EIF3D: variants seen among roughly 807,000 people sequenced by gnomAD.
EIF3D encodes the protein eukaryotic translation initiation factor 3 subunit D.
EIF3D carries 10 observed loss-of-function variants against 75.4 expected under a neutral mutation model. The observed-to-expected ratio is 0.13, with a 90% CI of 0.08 to 0.22. The LOEUF is 0.22. Ranked by LOEUF, EIF3D falls within the 10% of genes least tolerant of loss-of-function variation. EIF3D has a pLI of 1.00. For missense variants in EIF3D, 394 were observed against 708.0 expected, an observed-to-expected ratio of 0.56 and a Z score of 5.03; for synonymous variants, 246 against 248.3, an observed-to-expected ratio of 0.99 and a Z score of 0.09.
Position 36,510,954 on chromosome 22 carries a change from T to A in EIF3D, c.*33A>T. ...GCATCAAAGGCCCTCGTAGTCTCGGTGGAAGGACAAACTCCAGCTCCACAT... is the reference window on the plus strand; with the variant it reads ...GCATCAAAGGCCCTCGTAGTCTCGGAGGAAGGACAAACTCCAGCTCCACAT... On this transcript the variant is annotated 3_prime_UTR_variant, in exon 15 of 15. Coordinates refer to ENST00000216190, the MANE Select transcript of EIF3D (RefSeq NM_003753.4). The A allele has an allele frequency of 3.1e-6, 5 of 1,597,208 alleles. No individual in the cohort carries two copies. The South Asian group carries it at 4.5e-5, about 14-fold the overall frequency.
chr22:36,519,300 A>G lies in EIF3D; in HGVS notation c.711+105T>C, dbSNP rs7287727. 7.9e-3 allele frequency: 11,887 copies of G among 1,508,860 alleles called. 783 individuals carry two copies. In the African/African-American group the frequency reaches 0.14, roughly 18 times the overall value. The allele number at this position is 1,508,860 out of a possible 1,614,324, so 93.5% of individuals were successfully genotyped here. A position where few individuals can be genotyped will look rare whatever the true frequency, so the allele number is the denominator to read the frequency against. ...TCTACCTGGCAAAGTGCTTTTACCT[A>G]TAATACATACGTTATTCCCATGTCT... is the stretch of plus-strand genomic sequence containing the variant. On this transcript the variant is annotated intron_variant, in intron 8 of 14. Transcript: ENST00000216190.
At chr22:36,528,330 G>A (rs952977324) in intron 1 of EIF3D, among the ~76,000 whole-genome samples, 4 of 152,092 alleles carry the variant, frequency 2.6e-5, no homozygotes, top group Non-Finnish European at 2.9e-5. Flanking sequence ...ATCGGGTTCT[G>A]TCAGAAGCTC....
intron 1 of EIF3D, among the ~76,000 whole-genome samples, chr22:36,527,901 G>A (rs1934631123): frequency 1.3e-5 from 2 of 152,350 alleles, no homozygotes; most frequent in African/African-American, 4.8e-5. Flanking sequence ...GCCCCATGCT[G>A]GGGAGATTGA....
intron 12 of EIF3D, among the ~76,000 whole-genome samples, chr22:36,513,374 C>T (rs917863498): frequency 6.6e-6 from 1 of 151,874 alleles, no homozygotes; most frequent in Admixed American, 6.6e-5. Flanking sequence ...ACGATCTTGG[C>T]TCACTGCAAC....
intron 9 of EIF3D, among the ~76,000 whole-genome samples, chr22:36,518,376 C>G (rs1401554880): frequency 6.6e-6 from 1 of 151,942 alleles, no homozygotes; most frequent in Non-Finnish European, 1.5e-5. Context: ...GTAATCCCAG[C>G]TATTCGGGAG....
rs1934478125 is a variant in EIF3D, at chr22:36,519,481, C to T, written c.635G>A (p.Arg212Lys). The stretch of plus-strand genomic sequence containing the variant: ...GATGCTCCGCAGTGGCTTCTCACTC[C>T]TCGTGGTGATGCGGTCAAAGGCTTT... Reference protein sequence around the residue: ...YDKAFDRITTRSEKPLRSIKR... With the variant: ...YDKAFDRITTKSEKPLRSIKR... Residue 212 changes from arginine (R) to lysine (K), a missense_variant, in exon 8 of 15, where the codon AGG (arginine) becomes AAG (lysine). Physicochemically the swap from Arg to Lys is conservative, Grantham distance 26. Coordinates refer to ENST00000216190, the MANE Select transcript of EIF3D (RefSeq NM_003753.4). 1 of 1,614,058 alleles carries T rather than the reference C, an allele frequency of 6.2e-7. No homozygotes were observed. Among genetic ancestry groups the T allele is most frequent in the Non-Finnish European group, 8.5e-7 (1 of 1,180,036 alleles).
At chr22:36,517,906 C>A (rs1394658992) in intron 9 of EIF3D, among the ~76,000 whole-genome samples, 2 of 152,044 alleles carry the variant, frequency 1.3e-5, no homozygotes, top group East Asian at 1.9e-4. Flanking sequence ...CACCACCACA[C>A]CTGGCTAATT....
intron 7 of EIF3D, 28 bp downstream of exon 7, chr22:36,520,548 G>T: frequency 6.6e-7 from 1 of 1,508,062 alleles, no homozygotes; most frequent in Non-Finnish European, 9.2e-7. Flanking sequence ...TAAGAGCAGT[G>T]TAGAAAGTAG....
chr22:36,516,924 G>A (rs1010159495), intron 10 of EIF3D, 134 bp from the exon 11 acceptor site: 5 of 789,744 alleles, frequency 6.3e-6, no homozygotes, highest in South Asian at 3.1e-5. Flanking sequence ...CTCTGAGCTC[G>A]CTGCCTGTTT....
intron 12 of EIF3D, 135 bp downstream of exon 12, chr22:36,516,340 CAAA>C: frequency 9.3e-7 from 1 of 1,072,946 alleles, no homozygotes; most frequent in East Asian, 2.5e-5. Context: ...ACTCACAAGA[CAAA>C]AAAAAACATC....
rs1934542602 is a variant in EIF3D, at chr22:36,523,233, C to T, written c.441G>A (p.Arg147=). Residue 147 remains arginine, a synonymous_variant, in exon 6 of 15, where the codon AGG becomes AGA. Coordinates refer to ENST00000216190, the MANE Select transcript of EIF3D (RefSeq NM_003753.4). ...QKKFQKQFGV[R]QKWDQKSQKP... is the part of the protein sequence containing the mutation. Reference sequence around the variant, plus strand: ...CCTGTGATTTCTGATCCCATTTCTGCCTAACCCCAAATTGTTTCTGGAACT... The same window carrying T: ...CCTGTGATTTCTGATCCCATTTCTGTCTAACCCCAAATTGTTTCTGGAACT... The T allele has an allele frequency of 6.2e-7, 1 of 1,613,852 alleles. No individual in the cohort carries two copies. The highest frequency in any genetic ancestry group is 1.3e-5 in the African/African-American group (1 of 74,912).
intron 6 of EIF3D, 55 bp downstream of exon 6, chr22:36,523,154 C>A (rs1044599227): frequency 7.0e-7 from 1 of 1,419,612 alleles, no homozygotes; most frequent in Non-Finnish European, 1.0e-6. Flanking sequence ...TTAATAAAGA[C>A]AACCAAATAA....
chr22:36,523,168 G>T, intron 6 of EIF3D, 41 bp downstream of exon 6: 1 of 1,532,534 alleles, frequency 6.5e-7, no homozygotes, highest in South Asian at 1.1e-5. Flanking sequence ...CAAATAAACA[G>T]AACCAAATTC....
intron 12 of EIF3D, among the ~76,000 whole-genome samples, chr22:36,514,817 GA>G (rs1934397867): frequency 6.6e-6 from 1 of 152,296 alleles, no homozygotes; most frequent in Non-Finnish European, 1.5e-5. Context: ...GCCTTGTTTG[GA>G]TTTGTGGCCC....
chr22:36,512,323 C>T, intron 13 of EIF3D, 137 bp downstream of exon 13: 1 of 1,220,516 alleles, frequency 8.2e-7, no homozygotes, highest in Non-Finnish European at 1.1e-6. Context: ...TCCTAACTGA[C>T]CCCTCCATCT....
At chr22:36,526,189 A>G in intron 1 of EIF3D, 58 bp from the exon 2 acceptor site, 2 of 1,487,026 alleles carry the variant, frequency 1.3e-6, no homozygotes, top group Non-Finnish European at 1.8e-6. Context: ...AGTACAAAAC[A>G]CCCTCCATAT....
chr22:36,524,497 C>A, intron 4 of EIF3D, 99 bp downstream of exon 4: 1 of 1,541,834 alleles, frequency 6.5e-7, no homozygotes, highest in Non-Finnish European at 8.8e-7. Context: ...CTATAATATG[C>A]TTCCCTCTCT....
At chr22:36,519,622 T>A in intron 7 of EIF3D, 85 bp from the exon 8 acceptor site, 1 of 1,572,984 alleles carries the variant, frequency 6.4e-7, no homozygotes, top group Non-Finnish European at 8.6e-7. Context: ...AGAAGTCTTA[T>A]CCAAAAGTCT....
chr22:36,523,595 G>A (rs1934549888), intron 5 of EIF3D, among the ~76,000 whole-genome samples: 1 of 152,100 alleles, frequency 6.6e-6, no homozygotes, highest in African/African-American at 2.4e-5. Flanking sequence ...GCATACAGGG[G>A]GCTTCCTAGA....
Sources: gnomAD v4.1 joint callset for allele counts (sites outside exome capture counted in the v4.1 genomes callset) on GRCh38, gnomAD v4.1.1 for gene constraint, MANE v1.5 for transcripts, NCBI Gene and HGNC (gene_info 2026-07-23, HGNC 2026-07-21) for gene names.